Variants in RTN4 observed in about 807,000 individuals in gnomAD.
The protein encoded by RTN4 is reticulon-4.
In RTN4, 32 loss-of-function variants were observed where a neutral mutation model predicts 90.4. That is an observed-to-expected ratio of 0.35 (90% confidence interval 0.27 to 0.48). The LOEUF (loss-of-function observed/expected upper bound fraction) is 0.48. Among genes scored for constraint, RTN4 ranks in the 20% least tolerant of loss-of-function variants. The pLI is 0.99. For synonymous variants in RTN4, 629 were observed against 552.5 expected (o/e 1.14, Z -1.94); for missense variants, 1,706 against 1,430.2 (o/e 1.19, Z -3.11).
upstream of RTN4, among the ~76,000 whole-genome samples, chr2:55,113,004 C>T (rs1286045822): frequency 6.6e-6 from 1 of 152,182 alleles, no homozygotes; most frequent in African/African-American, 2.4e-5. Flanking sequence ...GCAAGATCAA[C>T]GTGAGCAACT....
chr2:54,987,184 C>T (rs148278198), intron 4 of RTN4, among the ~76,000 whole-genome samples: 146 of 152,214 alleles, frequency 9.6e-4, no homozygotes, highest in African/African-American at 3.4e-3. Flanking sequence ...CCTCATCAAA[C>T]CTACCCATGT....
chr2:55,039,413 T>A (rs1573452476), intron 1 of RTN4, among the ~76,000 whole-genome samples: 1 of 152,268 alleles, frequency 6.6e-6, no homozygotes, highest in East Asian at 1.9e-4. Flanking sequence ...TATTGTAATA[T>A]GTGGACCTTA....
chr2:54,997,232 T>C (rs1679500235), intron 3 of RTN4, among the ~76,000 whole-genome samples: 2 of 152,142 alleles, frequency 1.3e-5, no homozygotes, highest in Non-Finnish European at 2.9e-5. Flanking sequence ...GGTACACAAA[T>C]GGCCAATAAG....
intron 2 of RTN4, 106 bp from the exon 3 acceptor site, chr2:55,027,591 C>G (rs1329175670): frequency 8.6e-7 from 1 of 1,158,928 alleles, no homozygotes; most frequent in African/African-American, 1.5e-5. Flanking sequence ...TTACTGTTTA[C>G]TAAAATGAAA....
At chr2:55,013,344 T>A (rs992951783) in intron 3 of RTN4, among the ~76,000 whole-genome samples, 5 of 152,062 alleles carry the variant, frequency 3.3e-5, no homozygotes, top group African/African-American at 1.2e-4. Context: ...CTCCCAAGCA[T>A]GACAAAAAAA....
At position 55,100,806 on chromosome 2, in the gene RTN4, T is replaced by C. The variant is rs182682838; in HGVS notation, c.-214+11714A>G. ...ATTCTCAGGATGCACTAGGGTTCAT[T>C]TGTGCTTAAACAAAAATTTACTTGC... On this transcript the variant is annotated intron_variant, in intron 1 of 3. Coordinates refer to the RTN4 transcript ENST00000427710. 1.4e-4 allele frequency among the ~76,000 whole-genome samples: 22 copies of C among 152,258 alleles called. No individual in the cohort carries two copies. In the East Asian group the frequency reaches 1.9e-3, roughly 13 times the overall value.
intron 3 of RTN4, among the ~76,000 whole-genome samples, chr2:55,002,319 A>C (rs1573350492): frequency 6.6e-6 from 1 of 152,148 alleles, no homozygotes; most frequent in Non-Finnish European, 1.5e-5. Context: ...GTGGCCTCCC[A>C]AAGTGCTAGG....
the RTN4 span, among the ~76,000 whole-genome samples, chr2:55,118,839 C>A: frequency 6.6e-6 from 1 of 152,220 alleles, no homozygotes; most frequent in South Asian, 2.1e-4. Flanking sequence ...AGGCTTCAAC[C>A]ATCAGATATG....
intron 1 of RTN4, among the ~76,000 whole-genome samples, chr2:55,081,431 T>A (rs960118924): frequency 3.9e-5 from 6 of 152,128 alleles, no homozygotes; most frequent in African/African-American, 1.4e-4. Flanking sequence ...ACTTACTCTG[T>A]CTAATTTAAA....
At chr2:55,097,165 T>C (rs1667751779) in intron 1 of RTN4, among the ~76,000 whole-genome samples, 2 of 151,594 alleles carry the variant, frequency 1.3e-5, no homozygotes, top group South Asian at 4.2e-4. Context: ...CAATTTAATA[T>C]GGAAGTATTT....
intron 1 of RTN4, among the ~76,000 whole-genome samples, chr2:55,093,531 T>G (rs1244151970): frequency 6.6e-6 from 1 of 152,074 alleles, no homozygotes; most frequent in Admixed American, 6.6e-5. Context: ...AACCTCTAAG[T>G]GATTCCGCAG....
Position 54,982,464 on chromosome 2 carries a change from CTT to C in RTN4, c.3360+49_3360+50del, listed in dbSNP as rs1045755829. The C allele has an allele frequency of 4.0e-6, 6 of 1,513,008 alleles. No homozygotes were observed. The African/African-American group carries it at 7.0e-5, about 18-fold the overall frequency. 93.7% of individuals were successfully genotyped at this position (1,513,008 alleles called of 1,614,324 possible). A position where few individuals can be genotyped will look rare whatever the true frequency, so the allele number is the denominator to read the frequency against. Reference sequence around the variant, plus strand: ...AGAACAGAATTTTACACTCAACTCTCTTGATACTAAATTCTGGGTATATCAAA... The same window carrying C: ...AGAACAGAATTTTACACTCAACTCTCGATACTAAATTCTGGGTATATCAAA... On this transcript the variant is annotated intron_variant, in intron 5 of 8. Coordinates refer to ENST00000337526, the MANE Select transcript of RTN4 (RefSeq NM_020532.5).
At chr2:54,976,206 C>T (rs1034118789) in intron 5 of RTN4, among the ~76,000 whole-genome samples, 1 of 152,156 alleles carries the variant, frequency 6.6e-6, no homozygotes, top group African/African-American at 2.4e-5. Flanking sequence ...CAAACACAAG[C>T]TAAAATAACT....
intron 3 of RTN4, among the ~76,000 whole-genome samples, chr2:55,013,366 A>T (rs2104802454): frequency 6.6e-6 from 1 of 152,204 alleles, no homozygotes. Flanking sequence ...CAAAGATGAA[A>T]ACTTGCCCAA....
chr2:54,982,710 T>C (rs1678242041), intron 4 of RTN4, 57 bp from the exon 5 acceptor site: 71 of 1,518,656 alleles, frequency 4.7e-5, no homozygotes, highest in Non-Finnish European at 6.3e-5. Context: ...CCCCTAAATG[T>C]CAATCAGAAA....
chr2:55,134,558 G>A, the RTN4 span, among the ~76,000 whole-genome samples: 3 of 152,192 alleles, frequency 2.0e-5, no homozygotes, highest in Non-Finnish European at 4.4e-5. Flanking sequence ...TCAATAAAGT[G>A]CAGTTTGCTT....
intron 1 of RTN4, among the ~76,000 whole-genome samples, chr2:55,099,029 T>C (rs1349408200): frequency 1.3e-5 from 2 of 152,162 alleles, no homozygotes; most frequent in East Asian, 3.8e-4. Flanking sequence ...CTTGTTACGT[T>C]AGCAATCACT....
intron 1 of RTN4, among the ~76,000 whole-genome samples, chr2:55,105,227 G>GTT (rs869164590): frequency 1.6e-3 from 182 of 114,044 alleles, no homozygotes; most frequent in Non-Finnish European, 2.0e-3. Flanking sequence ...TGCTATTGAA[G>GTT]TTTTTTTTTT....
chr2:54,988,791 AT>A (rs1678779846), intron 3 of RTN4, among the ~76,000 whole-genome samples: 1 of 152,218 alleles, frequency 6.6e-6, no homozygotes, highest in Admixed American at 6.5e-5. Context: ...ACAAAGCCCA[AT>A]TTAGCATGTC....
Sources: gnomAD v4.1 joint callset for allele counts (sites outside exome capture counted in the v4.1 genomes callset) on GRCh38, gnomAD v4.1.1 for gene constraint, MANE v1.5 for transcripts, NCBI Gene and HGNC (gene_info 2026-07-23, HGNC 2026-07-21) for gene names.